CAMK2D: variants seen among roughly 807,000 people sequenced by gnomAD.
The protein encoded by CAMK2D is calcium/calmodulin dependent protein kinase II delta.
In CAMK2D, 37 loss-of-function variants were observed where a neutral mutation model predicts 84.0. The observed-to-expected ratio is 0.44, with a 90% CI of 0.34 to 0.58. The LOEUF is 0.58. Among genes scored for constraint, CAMK2D ranks in the 20% least tolerant of loss-of-function variants. The pLI is 0.02. For synonymous variants in CAMK2D, 202 were observed against 212.5 expected (o/e 0.95, Z 0.43); for missense variants, 448 against 652.5 (o/e 0.69, Z 3.41).
intron 4 of CAMK2D, among the ~76,000 whole-genome samples, chr4:113,562,009 C>G (rs2154211835): frequency 6.6e-6 from 1 of 152,248 alleles, no homozygotes; most frequent in South Asian, 2.1e-4. Context: ...TACACGCCCA[C>G]TTAGTAAGCA....
intron 16 of CAMK2D, among the ~76,000 whole-genome samples, chr4:113,489,371 T>A (rs2097798217): frequency 1.7e-5 from 2 of 116,238 alleles, no homozygotes; most frequent in South Asian, 5.1e-4. Flanking sequence ...TTCCCACCTA[T>A]GAGTGAGAAT....
rs760262342 is a variant in CAMK2D at position 113,457,334 on chromosome 4, C to T, written c.1535+1G>A. ...GAAGCTGACAGCCTGGAAATATTTA[C>T]TTGATGGGTACTGTTGGTGACCCCG... On this transcript the variant is annotated splice_donor_variant, in intron 19 of 20. Coordinates refer to ENST00000511664, the MANE Select transcript of CAMK2D (RefSeq NM_001321571.2). LOFTEE classifies it high-confidence loss of function. 3 of 1,613,488 alleles carry T rather than the reference C, an allele frequency of 1.9e-6. No individual in the cohort carries two copies. The highest frequency in any genetic ancestry group is 2.5e-6 in the Non-Finnish European group (3 of 1,179,656).
intron 6 of CAMK2D, among the ~76,000 whole-genome samples, chr4:113,544,595 T>G (rs1396445365): frequency 3.3e-5 from 5 of 152,342 alleles, no homozygotes; most frequent in African/African-American, 1.2e-4. Context: ...AAAGTTGTTC[T>G]GAAGATTTGT....
chr4:113,590,856 A>G (rs115491410), intron 4 of CAMK2D, among the ~76,000 whole-genome samples: 1,763 of 152,304 alleles, frequency 0.012, 20 homozygotes, highest in Middle Eastern at 0.037. Flanking sequence ...ATATGACTGT[A>G]TATTAGGTAA....
At chr4:113,515,868 C>A (rs1442858356) in intron 9 of CAMK2D, among the ~76,000 whole-genome samples, 1 of 152,206 alleles carries the variant, frequency 6.6e-6, no homozygotes, top group Non-Finnish European at 1.5e-5. Flanking sequence ...CTTCCCATTA[C>A]TAATACTTTT....
At chr4:113,753,516 C>G (rs551355978) in intron 2 of CAMK2D, among the ~76,000 whole-genome samples, 109 of 152,024 alleles carry the variant, frequency 7.2e-4, no homozygotes, top group African/African-American at 2.5e-3. Flanking sequence ...TCAAACCTAC[C>G]AATTTCCCTA....
At chr4:113,644,676 A>T (rs73843466) in intron 3 of CAMK2D, among the ~76,000 whole-genome samples, 4,806 of 152,304 alleles carry the variant, frequency 0.032, 253 homozygotes, top group African/African-American at 0.11. Context: ...GAGCTAAACC[A>T]GAAATCAGAG....
At chr4:113,619,931 A>G (rs57116867) in intron 3 of CAMK2D, among the ~76,000 whole-genome samples, 2,798 of 152,282 alleles carry the variant, frequency 0.018, 84 homozygotes, top group African/African-American at 0.064. Flanking sequence ...TTTGGCATGC[A>G]TAATCTATGT....
intron 16 of CAMK2D, among the ~76,000 whole-genome samples, chr4:113,467,860 A>T (rs999164761): frequency 2.0e-5 from 3 of 152,194 alleles, no homozygotes; most frequent in Non-Finnish European, 4.4e-5. Flanking sequence ...TATAAGGGAT[A>T]CGGGTGAGGA....
intron 8 of CAMK2D, among the ~76,000 whole-genome samples, chr4:113,528,238 T>C (rs2098435334): frequency 6.6e-6 from 1 of 152,134 alleles, no homozygotes; most frequent in African/African-American, 2.4e-5. Context: ...TGTATAATAA[T>C]AGCAATGATA....
chr4:113,729,348 T>C (rs1182968474), intron 2 of CAMK2D, among the ~76,000 whole-genome samples: 1 of 152,208 alleles, frequency 6.6e-6, no homozygotes, highest in Non-Finnish European at 1.5e-5. Context: ...CGGAGGACCT[T>C]CCATGACATA....
intron 2 of CAMK2D, among the ~76,000 whole-genome samples, chr4:113,664,591 T>A (rs1381895181): frequency 6.6e-6 from 1 of 152,182 alleles, no homozygotes; most frequent in African/African-American, 2.4e-5. Flanking sequence ...TATGGCAACA[T>A]GTTTCATCAA....
At chr4:113,696,815 A>G (rs2099404247) in intron 2 of CAMK2D, among the ~76,000 whole-genome samples, 1 of 152,100 alleles carries the variant, frequency 6.6e-6, no homozygotes, top group South Asian at 2.1e-4. Flanking sequence ...ATTTTAAGAA[A>G]CCTTCACAAA....
At chr4:113,600,231 T>A (rs2098945967) in intron 4 of CAMK2D, among the ~76,000 whole-genome samples, 1 of 152,182 alleles carries the variant, frequency 6.6e-6, no homozygotes, top group Admixed American at 6.5e-5. Context: ...CACACATTTT[T>A]AAAAACCCAT....
rs2099052060 is a variant in CAMK2D, at chr4:113,622,885, G to C, written c.221-13679C>G. 2.0e-5 allele frequency among the ~76,000 whole-genome samples: 3 copies of C among 152,298 alleles called. No individual in the cohort carries two copies. The South Asian group carries it at 6.2e-4, about 32-fold the overall frequency. On this transcript the variant is annotated intron_variant, in intron 3 of 20. Coordinates refer to ENST00000511664, the MANE Select transcript of CAMK2D (RefSeq NM_001321571.2). ...CACCTGAGGATTATCTAATTCTCTA[G>C]AATAGGTATCTTTATTTTGTTTTAT...
At chr4:113,458,584 GAGTT>G (rs1427861831) in intron 18 of CAMK2D, among the ~76,000 whole-genome samples, 2 of 151,602 alleles carry the variant, frequency 1.3e-5, no homozygotes, top group Middle Eastern at 3.2e-3. Context: ...TGTCGATAGA[GAGTT>G]AGTTGGAGGA....
chr4:113,760,496 G>A (rs1017799831), intron 1 of CAMK2D, among the ~76,000 whole-genome samples: 15 of 152,156 alleles, frequency 9.9e-5, no homozygotes, highest in African/African-American at 3.4e-4. Flanking sequence ...TAGACTCTAT[G>A]CCAAGTTGAA....
At chr4:113,632,459 G>A (rs1259846584) in intron 3 of CAMK2D, among the ~76,000 whole-genome samples, 2 of 151,924 alleles carry the variant, frequency 1.3e-5, no homozygotes, top group Admixed American at 1.3e-4. Context: ...CTGACCTCAG[G>A]TGATCCACCT....
At chr4:113,747,349 T>C (rs2099606943) in intron 2 of CAMK2D, among the ~76,000 whole-genome samples, 1 of 149,964 alleles carries the variant, frequency 6.7e-6, no homozygotes. Context: ...TATGCAAATC[T>C]TACTGCTAAA....
Sources: allele counts gnomAD v4.1 joint callset (sites outside exome capture counted in the v4.1 genomes callset), GRCh38; gene constraint gnomAD v4.1.1; transcripts MANE v1.5; gene names NCBI Gene and HGNC (gene_info 2026-07-23, HGNC 2026-07-21).